Variants in ZNF568 observed in about 807,000 individuals in gnomAD.
The protein encoded by ZNF568 is zinc finger protein 568.
A neutral mutation model predicts 18.1 loss-of-function variants in ZNF568; 11 were observed. The observed-to-expected ratio is 0.61, with a 90% CI of 0.38 to 1.00. The LOEUF is 1.00. Among genes scored for constraint, ZNF568 ranks in the 50% least tolerant of loss-of-function variants. The pLI is 0.01. For missense variants in ZNF568, 639 were observed against 768.2 expected, an observed-to-expected ratio of 0.83 and a Z score of 1.99; for synonymous variants, 213 against 246.6, an observed-to-expected ratio of 0.86 and a Z score of 1.28.
At chr19:36,940,734 G>T (rs1213498061) in intron 6 of ZNF568, among the ~76,000 whole-genome samples, 3 of 152,188 alleles carry the variant, frequency 2.0e-5, no homozygotes, top group Non-Finnish European at 4.4e-5. Flanking sequence ...TAAGAGAAGG[G>T]CTGTAGAAGG....
Position 36,950,308 on chromosome 19 carries a change from A to C in ZNF568, c.1155A>C (p.Thr385=). ...TTACGCTACATATGAGAAGTCACAC[A>C]GGGGAGAAACCCTATAAATGTAATA... ...SSVTLHMRSH[T]GEKPYKCNKC... Residue 385 remains threonine (T), a synonymous_variant, in exon 7 of 7, where the codon ACA becomes ACC. Coordinates refer to ENST00000333987, the MANE Select transcript of ZNF568 (RefSeq NM_198539.4). 6.2e-7 allele frequency: 1 copy of C among 1,613,882 alleles called. No individual in the cohort carries two copies. Among genetic ancestry groups the C allele is most frequent in the African/African-American group, 1.3e-5 (1 of 74,978 alleles).
At chr19:36,949,382 G>T in intron 6 of ZNF568, 130 bp from the exon 7 acceptor site, 1 of 980,638 alleles carries the variant, frequency 1.0e-6, no homozygotes, top group Non-Finnish European at 1.4e-6. Flanking sequence ...TTTACTCTTA[G>T]CTTTCTTTTG....
At chr19:36,987,418 C>T (rs961777707) in intron 2 of ZNF568, among the ~76,000 whole-genome samples, 2 of 152,186 alleles carry the variant, frequency 1.3e-5, no homozygotes, top group African/African-American at 4.8e-5. Flanking sequence ...CCAAAGGCCC[C>T]AGTTCTGGGA....
At chr19:36,935,804 G>A (rs536771632) in intron 4 of ZNF568, among the ~76,000 whole-genome samples, 30 of 152,050 alleles carry the variant, frequency 2.0e-4, no homozygotes, top group African/African-American at 6.5e-4. Context: ...ATGGTTGTTC[G>A]CATGCTGTGT....
At chr19:36,974,447 C>T (rs1227512504) in exon 7 of ZNF568, 1 of 1,535,998 alleles carries the variant, frequency 6.5e-7, no homozygotes, top group East Asian at 2.4e-5. Context: ...AACTGCTGTG[C>T]GTCTGAAGTG....
In ZNF568 at chr19:36,922,720, G is replaced by C; in HGVS notation, c.-51G>C. ...GAGTCCTGAAAGAGAGTGGACCCTG[G>C]AGTTGCTGGAGCTTGTCTTGACCCT... On this transcript the variant is annotated 5_prime_UTR_variant, in exon 3 of 7. Coordinates refer to ENST00000333987, the MANE Select transcript of ZNF568 (RefSeq NM_198539.4). 1 of 1,542,242 alleles carries C rather than the reference G, an allele frequency of 6.5e-7. No homozygotes were observed.
chr19:36,996,850 A>G, exon 5 of ZNF568: 1 of 1,540,292 alleles, frequency 6.5e-7, no homozygotes, highest in Non-Finnish European at 8.7e-7. Flanking sequence ...TCAGCATCAG[A>G]GGATGCATCT....
chr19:36,978,962 T>C (rs771358457), intron 7 of ZNF568: 7 of 357,786 alleles, frequency 2.0e-5, no homozygotes, highest in South Asian at 1.5e-4. Context: ...ATAGTCGTTT[T>C]CATACTATAT....
chr19:36,948,672 T>TTTTTTTTTTTTTTTTTTTTG, intron 6 of ZNF568, among the ~76,000 whole-genome samples: 1 of 148,716 alleles, frequency 6.7e-6, no homozygotes, highest in African/African-American at 2.5e-5. Context: ...TTTTTTTTTT[T>TTTTTTTTTTTTTTTTTTTTG]TTTTTTTTTT....
At chr19:36,955,799 CATA>C (rs2074103332), downstream of ZNF568, among the ~76,000 whole-genome samples, 1 of 151,906 alleles carries the variant, frequency 6.6e-6, no homozygotes, top group African/African-American at 2.4e-5. Flanking sequence ...GGTGATTCAA[CATA>C]ATGAGTTCAT....
intron 6 of ZNF568, among the ~76,000 whole-genome samples, chr19:36,972,257 GTTTA>G (rs113646485): frequency 5.1e-4 from 77 of 152,084 alleles, no homozygotes; most frequent in African/African-American, 1.3e-3. Flanking sequence ...ACTAAAATTG[GTTTA>G]TTTTAGTGGC....
At position 36,950,034 on chromosome 19, in the gene ZNF568, T is replaced by C; in HGVS notation, c.881T>C (p.Ile294Thr). The C allele has an allele frequency of 6.2e-7, 1 of 1,613,754 alleles. No homozygotes were observed. Among genetic ancestry groups the C allele is most frequent in the Non-Finnish European group, 8.5e-7 (1 of 1,179,870 alleles). ...GCTTTCATTCAGATGTCAAACCTTA[T>C]TAGACACCACAGAATTCATACTGGG... ...GKAFIQMSNL[I>T]RHHRIHTGEK... is the part of the protein sequence containing the mutation. The change falls in exon 7 of 7, where the codon ATT (isoleucine) becomes ACT (threonine). Residue 294 changes from isoleucine (I) to threonine (T), a missense_variant. Coordinates refer to ENST00000333987, the MANE Select transcript of ZNF568 (RefSeq NM_198539.4).
chr19:36,972,415 T>C (rs1487216123), intron 6 of ZNF568, among the ~76,000 whole-genome samples: 1 of 152,084 alleles, frequency 6.6e-6, no homozygotes, highest in Non-Finnish European at 1.5e-5. Context: ...CCCTCATCCT[T>C]CTCCAGTCCC....
intron 6 of ZNF568, among the ~76,000 whole-genome samples, chr19:36,966,190 A>C (rs1409489203): frequency 6.6e-6 from 1 of 152,066 alleles, no homozygotes; most frequent in African/African-American, 2.4e-5. Flanking sequence ...GGTGGCTGAG[A>C]CACGAGAATC....
intron 6 of ZNF568, among the ~76,000 whole-genome samples, chr19:36,965,843 G>A (rs967139318): frequency 6.6e-6 from 1 of 151,608 alleles, no homozygotes; most frequent in African/African-American, 2.4e-5. Context: ...TGGAATTACA[G>A]GTGCACATGG....
chr19:36,997,496 G>C (rs533366042), downstream of ZNF568: 6 of 1,586,944 alleles, frequency 3.8e-6, no homozygotes, highest in South Asian at 5.6e-5. Flanking sequence ...GCTTTCATTC[G>C]AAGGTCAGAA....
chr19:36,976,382 C>T (rs142570033), intron 7 of ZNF568: 1 of 152,264 alleles, frequency 6.6e-6, no homozygotes, highest in Non-Finnish European at 1.5e-5. Flanking sequence ...GACTATATTT[C>T]ATTAATTCTC....
At chr19:36,935,970 A>G (rs1244207485) in intron 4 of ZNF568, among the ~76,000 whole-genome samples, 2 of 152,168 alleles carry the variant, frequency 1.3e-5, no homozygotes, top group African/African-American at 4.8e-5. Flanking sequence ...TGGTAACACT[A>G]AAATTATTGG....
intron 6 of ZNF568, chr19:36,973,271 A>T (rs2074251715): frequency 6.6e-6 from 1 of 152,648 alleles, no homozygotes; most frequent in South Asian, 2.1e-4. Flanking sequence ...GTTGGGATGG[A>T]CTCGTTCAGA....
Sources: gnomAD v4.1 joint callset for allele counts (sites outside exome capture counted in the v4.1 genomes callset) on GRCh38, gnomAD v4.1.1 for gene constraint, MANE v1.5 for transcripts, NCBI Gene and HGNC (gene_info 2026-07-23, HGNC 2026-07-21) for gene names.